Variants in CLMP observed in about 807,000 individuals in gnomAD.
The protein encoded by CLMP is CXADR-like membrane protein.
CLMP carries 27 observed loss-of-function variants against 45.2 expected under a neutral mutation model. The ratio of observed to expected loss-of-function variants is 0.60; its 90% CI spans 0.44 to 0.82. The LOEUF is 0.82. Ranked by LOEUF, CLMP falls within the 40% of genes least tolerant of loss-of-function variation. The pLI, the probability that CLMP is intolerant of heterozygous loss-of-function variation, is 0.00. For synonymous variants in CLMP, 167 were observed against 171.4 expected (o/e 0.97, Z 0.20); for missense variants, 403 against 448.4 (o/e 0.90, Z 0.91).
At chr11:123,159,621 A>C (rs186077176) in intron 1 of CLMP, among the ~76,000 whole-genome samples, 6 of 152,322 alleles carry the variant, frequency 3.9e-5, no homozygotes, top group Admixed American at 2.6e-4. Context: ...CACACTTAAC[A>C]GAATAAGGGA....
chr11:123,076,153 T>G (rs1865737387), intron 5 of CLMP, among the ~76,000 whole-genome samples: 1 of 148,890 alleles, frequency 6.7e-6, no homozygotes, highest in African/African-American at 2.5e-5. Flanking sequence ...ATCAAGACTC[T>G]GTCTCAAAAA....
At chr11:123,158,261 A>C (rs146605202) in intron 1 of CLMP, among the ~76,000 whole-genome samples, 80 of 152,296 alleles carry the variant, frequency 5.3e-4, no homozygotes, top group Non-Finnish European at 9.4e-4. Context: ...CCATCCCATC[A>C]ATCAGTGGAT....
chr11:123,141,426 C>A (rs1253450444), intron 1 of CLMP, among the ~76,000 whole-genome samples: 1 of 152,000 alleles, frequency 6.6e-6, no homozygotes, highest in Non-Finnish European at 1.5e-5. Flanking sequence ...CCTCGTGATC[C>A]ACCCGCCTTG....
intron 5 of CLMP, among the ~76,000 whole-genome samples, chr11:123,082,328 G>A (rs1335256144): frequency 6.6e-6 from 1 of 151,916 alleles, no homozygotes; most frequent in Non-Finnish European, 1.5e-5. Flanking sequence ...TGTTTTTTTT[G>A]GTTGGAGTCT....
intron 1 of CLMP, among the ~76,000 whole-genome samples, chr11:123,139,860 T>A (rs1189662295): frequency 6.6e-6 from 1 of 151,410 alleles, no homozygotes; most frequent in Non-Finnish European, 1.5e-5. Flanking sequence ...TAAAATAAAA[T>A]AAAAAATATA....
intron 1 of CLMP, among the ~76,000 whole-genome samples, chr11:123,110,883 T>C (rs563030926): frequency 1.3e-5 from 2 of 152,198 alleles, no homozygotes; most frequent in South Asian, 2.1e-4. Flanking sequence ...GTTTAGTGAG[T>C]TTTCCATTAC....
chr11:123,110,480 G>T (rs1860623184), intron 1 of CLMP, among the ~76,000 whole-genome samples: 1 of 151,550 alleles, frequency 6.6e-6, no homozygotes, highest in Non-Finnish European at 1.5e-5. Context: ...TTAGCCAGGT[G>T]TGGTAACTCC....
chr11:123,138,326 A>C (rs1433210466), intron 1 of CLMP, among the ~76,000 whole-genome samples: 2 of 151,870 alleles, frequency 1.3e-5, no homozygotes, highest in African/African-American at 4.8e-5. Context: ...CCCCTCCCCC[A>C]AGTAATTCCT....
chr11:123,106,722 T>C (rs1020455912), intron 1 of CLMP, among the ~76,000 whole-genome samples: 3 of 152,138 alleles, frequency 2.0e-5, no homozygotes, highest in Non-Finnish European at 4.4e-5. Context: ...GCAACTACTA[T>C]TAATAATTGT....
intron 1 of CLMP, among the ~76,000 whole-genome samples, chr11:123,144,618 C>T (rs530655543): frequency 1.3e-5 from 2 of 152,310 alleles, no homozygotes; most frequent in East Asian, 3.9e-4. Flanking sequence ...GATCCTCCTA[C>T]CTTGGCCTCC....
At chr11:123,150,861 C>A (rs1032209020) in intron 1 of CLMP, among the ~76,000 whole-genome samples, 1 of 152,154 alleles carries the variant, frequency 6.6e-6, no homozygotes, top group Non-Finnish European at 1.5e-5. Flanking sequence ...GGATTACAGG[C>A]ACATGCCACC....
chr11:123,149,417 A>C (rs867210002), intron 1 of CLMP, among the ~76,000 whole-genome samples: 12 of 152,228 alleles, frequency 7.9e-5, no homozygotes, highest in Admixed American at 2.0e-4. Flanking sequence ...GGCTTTAGGC[A>C]TGGTTAAATG....
intron 1 of CLMP, among the ~76,000 whole-genome samples, chr11:123,147,234 T>C (rs1441549887): frequency 6.6e-6 from 1 of 152,132 alleles, no homozygotes; most frequent in Non-Finnish European, 1.5e-5. Flanking sequence ...AGCTGTCCCA[T>C]TGCCATGCTC....
chr11:123,108,311 G>C (rs1435690887), intron 1 of CLMP, among the ~76,000 whole-genome samples: 1 of 152,128 alleles, frequency 6.6e-6, no homozygotes, highest in African/African-American at 2.4e-5. Flanking sequence ...CATATATTTG[G>C]TACTTAAACA....
chr11:123,106,025 C>G (rs1860541407), intron 1 of CLMP, among the ~76,000 whole-genome samples: 1 of 152,072 alleles, frequency 6.6e-6, no homozygotes, highest in South Asian at 2.1e-4. Context: ...CCATGTTGGC[C>G]AGGCTGGTCT....
intron 1 of CLMP, among the ~76,000 whole-genome samples, chr11:123,189,879 G>A (rs1256783365): frequency 1.3e-5 from 2 of 151,930 alleles, no homozygotes; most frequent in African/African-American, 4.8e-5. Flanking sequence ...GTGGGTGCCT[G>A]TAATCCCAGC....
At chr11:123,193,355 T>C (rs945840635) in intron 1 of CLMP, among the ~76,000 whole-genome samples, 1 of 152,238 alleles carries the variant, frequency 6.6e-6, no homozygotes, top group Non-Finnish European at 1.5e-5. Flanking sequence ...AAAGTGTTCA[T>C]ATAACAAGGA....
At chr11:123,093,119 G>A (rs1865952947) in intron 2 of CLMP, among the ~76,000 whole-genome samples, 1 of 151,486 alleles carries the variant, frequency 6.6e-6, no homozygotes, top group South Asian at 2.1e-4. Flanking sequence ...TGTTGGTCAG[G>A]TTGGTCTCAA....
chr11:123,195,094 GC>G lies in CLMP; in HGVS notation c.-155del. 2.0e-6 allele frequency: 1 copy of G among 501,384 alleles called. No individual in the cohort carries two copies. Among genetic ancestry groups the G allele is most frequent in the Non-Finnish European group, 3.0e-6 (1 of 332,508 alleles). The allele number at this position is 501,384 out of a possible 1,614,324, so 31.1% of individuals were successfully genotyped here. A position where few individuals can be genotyped will look rare whatever the true frequency, so the allele number is the denominator to read the frequency against. ...TGTGCCGGGCGGGAGCCGGCCCCGC[GC>G]CCCGTGCCCCTGGGGGCAGATGGGC... On this transcript the variant is annotated 5_prime_UTR_variant, in exon 1 of 7. Transcript: ENST00000448775.
Sources: allele counts gnomAD v4.1 joint callset (sites outside exome capture counted in the v4.1 genomes callset), GRCh38; gene constraint gnomAD v4.1.1; transcripts MANE v1.5; gene names NCBI Gene and HGNC (gene_info 2026-07-23, HGNC 2026-07-21).